The following TBC1D1 variants were observed in gnomAD, a reference collection of about 807,000 sequenced individuals.
The protein encoded by TBC1D1 is TBC1 (tre-2/USP6, BUB2, cdc16) domain family, member 1.
TBC1D1 carries 89 observed loss-of-function variants against 125.6 expected under a neutral mutation model. That is an observed-to-expected ratio of 0.71 (90% CI 0.60 to 0.85). The LOEUF is 0.85. TBC1D1 is among the 40% of genes least tolerant of loss of function. The pLI is 0.00. For synonymous variants in TBC1D1, 565 were observed against 564.1 expected (o/e 1.00, Z -0.02); for missense variants, 1,377 against 1,469.2 (o/e 0.94, Z 1.03).
chr4:37,975,620 G>A (rs1265927424), intron 2 of TBC1D1, among the ~76,000 whole-genome samples: 1 of 152,248 alleles, frequency 6.6e-6, no homozygotes, highest in Admixed American at 6.5e-5. Context: ...AGATGCTGGT[G>A]TTACCGCTAG....
Position 37,943,057 on chromosome 4 carries a change from C to T in TBC1D1, c.417+40545C>T, listed in dbSNP as rs1424217712. Reference sequence around the variant, plus strand: ...TGGTGACAAAATCTGTCAGCATTTGCTTGTCTGTAAAGGATTTTATTTCTC... The same window carrying T: ...TGGTGACAAAATCTGTCAGCATTTGTTTGTCTGTAAAGGATTTTATTTCTC... On this transcript the variant is annotated intron_variant, in intron 2 of 19. Transcript: ENST00000261439. Among the ~76,000 whole-genome samples the T allele has an allele frequency of 2.6e-5, 4 of 152,130 alleles. No homozygotes were observed. In the South Asian group the frequency reaches 6.2e-4, roughly 24 times the overall value.
intron 15 of TBC1D1, chr4:38,110,090 G>C (rs1028710305): frequency 2.9e-5 from 12 of 412,780 alleles, no homozygotes; most frequent in Non-Finnish European, 3.6e-5. Flanking sequence ...GGGTGGCCCC[G>C]TGTTTGCTGC....
chr4:37,985,466 A>G (rs1735254886), intron 2 of TBC1D1, among the ~76,000 whole-genome samples: 1 of 152,190 alleles, frequency 6.6e-6, no homozygotes, highest in South Asian at 2.1e-4. Flanking sequence ...TCATGTTATA[A>G]TGGGATTAGA....
intron 15 of TBC1D1, chr4:38,110,277 G>A (rs1761992411): frequency 2.0e-6 from 2 of 985,110 alleles, no homozygotes; most frequent in Non-Finnish European, 2.4e-6. Flanking sequence ...CTCTTGAGGG[G>A]CTTGTGAAAA....
At chr4:38,041,948 T>C (rs1435737502) in intron 8 of TBC1D1, among the ~76,000 whole-genome samples, 1 of 151,990 alleles carries the variant, frequency 6.6e-6, no homozygotes, top group East Asian at 1.9e-4. Context: ...CCAAGGCAGG[T>C]GGATCATTTA....
chr4:37,958,896 A>G (rs1729416933), intron 2 of TBC1D1, among the ~76,000 whole-genome samples: 1 of 152,096 alleles, frequency 6.6e-6, no homozygotes, highest in South Asian at 2.1e-4. Flanking sequence ...ACTCTACCCC[A>G]CCAGTCTCCC....
chr4:38,040,434 G>GT (rs1748131214), intron 8 of TBC1D1, among the ~76,000 whole-genome samples: 1 of 152,114 alleles, frequency 6.6e-6, no homozygotes, highest in Admixed American at 6.5e-5. Context: ...GACTATAGGC[G>GT]TGCGCCACCA....
chr4:38,076,767 C>T (rs79422926), intron 12 of TBC1D1, among the ~76,000 whole-genome samples: 2,925 of 152,046 alleles, frequency 0.019, 68 homozygotes, highest in East Asian at 0.068. Flanking sequence ...TACAGTTTCT[C>T]TGCCACCAAC....
At chr4:38,112,451 A>G (rs1049257721) in intron 15 of TBC1D1, among the ~76,000 whole-genome samples, 1 of 152,150 alleles carries the variant, frequency 6.6e-6, no homozygotes, top group South Asian at 2.1e-4. Context: ...TGTGTGGTCT[A>G]TCCGAAGATT....
intron 2 of TBC1D1, among the ~76,000 whole-genome samples, chr4:37,927,577 A>G (rs1485081239): frequency 1.3e-5 from 2 of 152,326 alleles, no homozygotes; most frequent in East Asian, 1.9e-4. Context: ...CAAAACAGCA[A>G]TTACAGTGTC....
chr4:38,137,964 A>G lies in TBC1D1; in HGVS notation c.*629A>G, dbSNP rs1179824002. ...CTAGATGTAACTTAAAGGAGTTAAC[A>G]TTTGAGGACTTTGTTCTACATCAGA... On this transcript the variant is annotated 3_prime_UTR_variant, in exon 20 of 20. Coordinates refer to ENST00000261439, the MANE Select transcript of TBC1D1 (RefSeq NM_015173.4). 6.6e-6 allele frequency: 1 copy of G among 152,632 alleles called. No individual in the cohort carries two copies. The highest frequency in any genetic ancestry group is 2.4e-5 in the African/African-American group (1 of 41,444). The allele number at this position is 152,632 out of a possible 1,614,324, so 9.5% of individuals were successfully genotyped here. A position where few individuals can be genotyped will look rare whatever the true frequency, so the allele number is the denominator to read the frequency against.
At chr4:37,956,977 A>G (rs924233951) in intron 2 of TBC1D1, among the ~76,000 whole-genome samples, 1 of 151,558 alleles carries the variant, frequency 6.6e-6, no homozygotes, top group African/African-American at 2.4e-5. Flanking sequence ...GTAGAAATGA[A>G]TTTCCCCCAA....
intron 12 of TBC1D1, among the ~76,000 whole-genome samples, chr4:38,057,320 A>G (rs956826207): frequency 5.9e-5 from 9 of 152,092 alleles, no homozygotes; most frequent in Admixed American, 4.6e-4. Flanking sequence ...CAGTATCCCC[A>G]TGGCTCCCTC....
At chr4:37,989,943 T>C (rs1736217572) in intron 2 of TBC1D1, among the ~76,000 whole-genome samples, 1 of 152,188 alleles carries the variant, frequency 6.6e-6, no homozygotes, top group Non-Finnish European at 1.5e-5. Flanking sequence ...AGACACAGAG[T>C]TTCCAATTTT....
intron 8 of TBC1D1, among the ~76,000 whole-genome samples, chr4:38,036,631 T>C (rs1173889130): frequency 1.3e-5 from 2 of 152,146 alleles, no homozygotes; most frequent in African/African-American, 4.8e-5. Flanking sequence ...GCAGTTTTCA[T>C]GGGGTGTACA....
intron 15 of TBC1D1, among the ~76,000 whole-genome samples, 156 bp from the exon 18 acceptor site, chr4:38,115,554 G>C (rs1199525066): frequency 6.6e-6 from 1 of 152,176 alleles, no homozygotes; most frequent in Non-Finnish European, 1.5e-5. Flanking sequence ...AATAACTGGT[G>C]GACTTCGTTT....
chr4:38,073,901 T>C (rs554838458), intron 12 of TBC1D1, among the ~76,000 whole-genome samples: 1 of 152,198 alleles, frequency 6.6e-6, no homozygotes, highest in South Asian at 2.1e-4. Context: ...CCACCTTGGC[T>C]GCCTTCATTT....
intron 17 of TBC1D1, among the ~76,000 whole-genome samples, chr4:38,118,843 T>C (rs1763405036): frequency 6.6e-6 from 1 of 152,238 alleles, no homozygotes; most frequent in Non-Finnish European, 1.5e-5. Context: ...CCTGCCTTTA[T>C]ATTCTTGATT....
intron 12 of TBC1D1, among the ~76,000 whole-genome samples, chr4:38,076,124 G>A (rs1351348863): frequency 6.6e-6 from 1 of 152,192 alleles, no homozygotes; most frequent in Non-Finnish European, 1.5e-5. Flanking sequence ...TTGACTCACA[G>A]TTCAGCATGG....
Sources: allele counts gnomAD v4.1 joint callset (sites outside exome capture counted in the v4.1 genomes callset), GRCh38; gene constraint gnomAD v4.1.1; transcripts MANE v1.5; gene names NCBI Gene and HGNC (gene_info 2026-07-23, HGNC 2026-07-21).